The following STAM variants were observed in gnomAD, a reference collection of about 807,000 sequenced individuals.
STAM encodes signal transducing adapter molecule 1.
A neutral mutation model predicts 63.4 loss-of-function variants in STAM; 16 were observed. The observed-to-expected ratio is 0.25, with a 90% confidence interval of 0.17 to 0.38. The LOEUF (loss-of-function observed/expected upper bound fraction) is 0.38, where lower values mean the gene tolerates loss of function less well. Among genes scored for constraint, STAM ranks in the 10% least tolerant of loss-of-function variants. The pLI, the probability that STAM is intolerant of heterozygous loss-of-function variation, is 1.00. For missense variants in STAM, 636 were observed against 657.1 expected, an observed-to-expected ratio of 0.97 and a Z score of 0.35; for synonymous variants, 238 against 223.9, an observed-to-expected ratio of 1.06 and a Z score of -0.56.
chr10:17,668,655 G>A (rs888456757), intron 2 of STAM, among the ~76,000 whole-genome samples: 1 of 152,166 alleles, frequency 6.6e-6, no homozygotes, highest in Non-Finnish European at 1.5e-5. Context: ...AACAGCCACT[G>A]ATCTTTTTAC....
At chr10:17,670,276 A>G (rs1554823927) in intron 2 of STAM, among the ~76,000 whole-genome samples, 1 of 152,224 alleles carries the variant, frequency 6.6e-6, no homozygotes, top group East Asian at 1.9e-4. Context: ...TATATTTTAT[A>G]GAATGAGACT....
intron 1 of STAM, among the ~76,000 whole-genome samples, chr10:17,648,736 C>G (rs2131554557): frequency 6.6e-6 from 1 of 152,302 alleles, no homozygotes; most frequent in Admixed American, 6.5e-5. Flanking sequence ...ACTCTTGCCT[C>G]TACAATCAGT....
intron 13 of STAM, among the ~76,000 whole-genome samples, chr10:17,713,414 A>C (rs1035308913): frequency 6.6e-5 from 10 of 150,834 alleles, no homozygotes; most frequent in Admixed American, 3.3e-4. Context: ...AACAGGCTTG[A>C]ATAGCTGACT....
At chr10:17,678,277 C>CA (rs1348817457) in intron 2 of STAM, among the ~76,000 whole-genome samples, 2 of 124,822 alleles carry the variant, frequency 1.6e-5, no homozygotes, top group African/African-American at 2.8e-5. Context: ...TTTTGGAAGA[C>CA]AGAGTCTCGC....
intron 2 of STAM, among the ~76,000 whole-genome samples, chr10:17,668,360 C>T (rs1367398328): frequency 5.9e-5 from 9 of 152,102 alleles, no homozygotes; most frequent in African/African-American, 2.2e-4. Context: ...AGGTCAACTC[C>T]GACACAATTT....
chr10:17,704,825 G>A (rs1836181861), intron 10 of STAM, 145 bp from the exon 11 acceptor site: 1 of 674,882 alleles, frequency 1.5e-6, no homozygotes, highest in African/African-American at 1.8e-5. Flanking sequence ...ATCAATTTTG[G>A]GTTCTGTAGA....
At chr10:17,654,362 A>G (rs1353514562) in intron 1 of STAM, among the ~76,000 whole-genome samples, 1 of 152,024 alleles carries the variant, frequency 6.6e-6, no homozygotes, top group African/African-American at 2.4e-5. Context: ...AGCTGGGACT[A>G]CATGCGCCCA....
rs564523085 is a variant in STAM, at chr10:17,689,767, T to G, written c.444+1594T>G. Among the ~76,000 whole-genome samples, 351 of 152,338 alleles carry G rather than the reference T, an allele frequency of 2.3e-3. 2 individuals are homozygous for G. The highest frequency in any genetic ancestry group is 4.1e-3 in the Non-Finnish European group (282 of 68,026). On this transcript the variant is annotated intron_variant, in intron 5 of 13. Transcript: ENST00000377524. ...GGTTCTTGTTAACTCAAAACTTGGT[T>G]TGACCAGCATCACTGGCATTACCTG...
At chr10:17,704,035 G>C (rs1245960129) in intron 9 of STAM, among the ~76,000 whole-genome samples, 1 of 152,240 alleles carries the variant, frequency 6.6e-6, no homozygotes, top group Non-Finnish European at 1.5e-5. Context: ...CGCATTGTAA[G>C]TTTAAATGTG....
chr10:17,668,445 AAC>A (rs1554823687), intron 2 of STAM, among the ~76,000 whole-genome samples: 1 of 152,236 alleles, frequency 6.6e-6, no homozygotes, highest in Non-Finnish European at 1.5e-5. Context: ...CATTACTATT[AAC>A]TAAAGTCCAT....
At position 17,688,309 on chromosome 10, in the gene STAM, A is replaced by G. The variant is rs1196938446; in HGVS notation, c.444+136A>G. ...TTTTCGTTAGCTAATTGTGTTAGTAACTAGTTGTATTGCTAGTTAGTAATA... is the reference window on the plus strand; with the variant it reads ...TTTTCGTTAGCTAATTGTGTTAGTAGCTAGTTGTATTGCTAGTTAGTAATA... On this transcript the variant is annotated intron_variant, in intron 5 of 13. Transcript: ENST00000377524. 3.7e-6 allele frequency: 3 copies of G among 805,488 alleles called. No individual in the cohort carries two copies. In the African/African-American group the frequency reaches 5.3e-5, roughly 14 times the overall value. The allele number at this position is 805,488 out of a possible 1,614,324, so 49.9% of individuals were successfully genotyped here. A position where few individuals can be genotyped will look rare whatever the true frequency, so the allele number is the denominator to read the frequency against.
intron 4 of STAM, 134 bp from the exon 5 acceptor site, chr10:17,687,891 CTA>C (rs1835360120): frequency 3.3e-6 from 2 of 599,776 alleles, no homozygotes; most frequent in South Asian, 1.0e-4. Context: ...TTTCGAATAA[CTA>C]TATTTTCTTG....
intron 13 of STAM, among the ~76,000 whole-genome samples, chr10:17,710,163 C>G (rs782348312): frequency 6.6e-6 from 1 of 152,052 alleles, no homozygotes; most frequent in African/African-American, 2.4e-5. Context: ...CACTTTTCCC[C>G]TGCTAGTCCT....
At chr10:17,670,230 T>C (rs1180951950) in intron 2 of STAM, among the ~76,000 whole-genome samples, 3 of 152,156 alleles carry the variant, frequency 2.0e-5, no homozygotes, top group Admixed American at 1.3e-4. Flanking sequence ...AGACAATGAT[T>C]TTACTTTTTT....
intron 2 of STAM, among the ~76,000 whole-genome samples, chr10:17,676,120 C>G (rs990347963): frequency 6.6e-6 from 1 of 152,090 alleles, no homozygotes; most frequent in African/African-American, 2.4e-5. Flanking sequence ...TTAGAAAGGT[C>G]TATTGCAAAA....
intron 2 of STAM, among the ~76,000 whole-genome samples, chr10:17,680,483 C>G (rs139863559): frequency 3.5e-4 from 52 of 150,300 alleles, no homozygotes; most frequent in Non-Finnish European, 6.8e-4. Context: ...AGTTCAGTGG[C>G]GCAATCGTGG....
intron 8 of STAM, among the ~76,000 whole-genome samples, chr10:17,699,543 T>C (rs1835900765): frequency 6.6e-6 from 1 of 152,214 alleles, no homozygotes; most frequent in Admixed American, 6.5e-5. Context: ...GGCCAATGAA[T>C]TGTTGATCCC....
intron 1 of STAM, 54 bp downstream of exon 1, chr10:17,644,433 T>C: frequency 6.2e-7 from 1 of 1,605,900 alleles, no homozygotes; most frequent in Non-Finnish European, 8.5e-7. Flanking sequence ...ACGCTCACTC[T>C]GCCAGCCCCT....
chr10:17,664,801 T>C (rs1834311905), intron 2 of STAM, among the ~76,000 whole-genome samples: 1 of 152,152 alleles, frequency 6.6e-6, no homozygotes, highest in South Asian at 2.1e-4. Context: ...AAATTATTAT[T>C]GCTATTTGGT....
Sources: allele counts gnomAD v4.1 joint callset (sites outside exome capture counted in the v4.1 genomes callset), GRCh38; gene constraint gnomAD v4.1.1; transcripts MANE v1.5; gene names NCBI Gene and HGNC (gene_info 2026-07-23, HGNC 2026-07-21).